Variants in GPC6 observed in about 807,000 individuals in gnomAD.
The protein encoded by GPC6 is glypican-6.
A neutral mutation model predicts 55.2 loss-of-function variants in GPC6; 14 were observed. The ratio of observed to expected loss-of-function variants is 0.25; its 90% confidence interval spans 0.17 to 0.40. The LOEUF is 0.40. Ranked by LOEUF, GPC6 falls within the 10% of genes least tolerant of loss-of-function variation. The probability of loss-of-function intolerance (pLI) is 1.00; values close to 1 mark genes in which losing one functional copy is unlikely to be tolerated. For synonymous variants in GPC6, 278 were observed against 259.6 expected (o/e 1.07, Z -0.68); for missense variants, 641 against 708.5 (o/e 0.90, Z 1.08).
chr13:93,491,841 C>T (rs1443503893), intron 1 of GPC6, among the ~76,000 whole-genome samples: 2 of 114,828 alleles, frequency 1.7e-5, no homozygotes, highest in East Asian at 3.5e-4. Context: ...AGGTATGCGG[C>T]GTTATTTCTG....
chr13:93,498,460 C>T (rs1468693602), intron 1 of GPC6, among the ~76,000 whole-genome samples: 1 of 152,154 alleles, frequency 6.6e-6, no homozygotes, highest in Non-Finnish European at 1.5e-5. Context: ...CCACCCAAAT[C>T]TCAACTTGAA....
In GPC6 at chr13:94,157,410, T is replaced by G. The variant is rs144351169; in HGVS notation, c.878-128939T>G. Among the ~76,000 whole-genome samples, 25 of 152,078 alleles carry G rather than the reference T, an allele frequency of 1.6e-4. No individual in the cohort carries two copies. In the East Asian group the frequency reaches 4.8e-3, roughly 29 times the overall value. On this transcript the variant is annotated intron_variant, in intron 4 of 8. Transcript: ENST00000377047. ...ACTGGAGGCTGAATCATAGAAACCTTCGTGATAGGAGTCAAAGCCCAGGTG... is the reference window on the plus strand; with the variant it reads ...ACTGGAGGCTGAATCATAGAAACCTGCGTGATAGGAGTCAAAGCCCAGGTG...
rs149773904 is a variant in GPC6 at position 94,074,163 on chromosome 13, C to G, written c.877+46269C>G. 2.3e-3 allele frequency among the ~76,000 whole-genome samples: 349 copies of G among 152,224 alleles called. 4 individuals carry two copies. Among genetic ancestry groups the G allele is most frequent in the Non-Finnish European group, 9.6e-4 (65 of 67,994 alleles). On this transcript the variant is annotated intron_variant, in intron 4 of 8. Coordinates refer to ENST00000377047, the MANE Select transcript of GPC6 (RefSeq NM_005708.5). ...TCATACTTTATTTGACAAAAATCTT[C>G]AATAGCCTCCATGCATTTTTTCAGA...
chr13:93,877,515 C>A (rs1874660051), intron 3 of GPC6, among the ~76,000 whole-genome samples: 1 of 152,020 alleles, frequency 6.6e-6, no homozygotes, highest in South Asian at 2.1e-4. Context: ...CTTTCCCATT[C>A]CTATTTCAAA....
chr13:93,633,848 A>G (rs955547192), intron 2 of GPC6, among the ~76,000 whole-genome samples: 5 of 152,220 alleles, frequency 3.3e-5, no homozygotes, highest in African/African-American at 9.6e-5. Flanking sequence ...GCTAATTTAT[A>G]TAGTATTAGA....
chr13:93,523,992 C>T (rs561836963), intron 1 of GPC6, among the ~76,000 whole-genome samples: 1 of 151,962 alleles, frequency 6.6e-6, no homozygotes, highest in South Asian at 2.1e-4. Flanking sequence ...GAGATATCCT[C>T]ACATTAGATT....
At chr13:94,261,334 G>T (rs1891652013) in intron 4 of GPC6, among the ~76,000 whole-genome samples, 1 of 152,158 alleles carries the variant, frequency 6.6e-6, no homozygotes, top group Non-Finnish European at 1.5e-5. Flanking sequence ...GGGCAACAGG[G>T]TATGACACTG....
chr13:94,264,599 T>C (rs1891740860), intron 4 of GPC6, among the ~76,000 whole-genome samples: 1 of 152,234 alleles, frequency 6.6e-6, no homozygotes, highest in South Asian at 2.1e-4. Flanking sequence ...AATGCCACCA[T>C]ATACAAAAGG....
intron 2 of GPC6, among the ~76,000 whole-genome samples, chr13:93,718,012 A>C (rs1883312510): frequency 6.6e-6 from 1 of 151,668 alleles, no homozygotes; most frequent in South Asian, 2.1e-4. Context: ...GTCTATTACT[A>C]ATGGACATTT....
chr13:94,094,105 T>C (rs1474832574), intron 4 of GPC6, among the ~76,000 whole-genome samples: 1 of 152,058 alleles, frequency 6.6e-6, no homozygotes, highest in Non-Finnish European at 1.5e-5. Context: ...TATGAGGGTA[T>C]GAGTCAAATT....
chr13:94,060,470 A>C (rs1884281420), intron 4 of GPC6, among the ~76,000 whole-genome samples: 1 of 152,160 alleles, frequency 6.6e-6, no homozygotes, highest in African/African-American at 2.4e-5. Context: ...TTAGTTTCAA[A>C]TACTCTCTTA....
At chr13:94,086,115 G>T (rs188544445) in intron 4 of GPC6, among the ~76,000 whole-genome samples, 1 of 151,184 alleles carries the variant, frequency 6.6e-6, no homozygotes, top group Non-Finnish European at 1.5e-5. Context: ...CTCTGCTTCC[G>T]TGAATTTTTA....
intron 3 of GPC6, among the ~76,000 whole-genome samples, chr13:93,869,632 T>C (rs1889068632): frequency 6.6e-6 from 1 of 151,896 alleles, no homozygotes; most frequent in East Asian, 1.9e-4. Flanking sequence ...CCCTATGATT[T>C]CTTAGAAACT....
At chr13:94,023,499 C>T (rs1882779851) in intron 3 of GPC6, among the ~76,000 whole-genome samples, 1 of 151,960 alleles carries the variant, frequency 6.6e-6, no homozygotes, top group East Asian at 1.9e-4. Flanking sequence ...TTGGATAAAA[C>T]TGGAGGTCTC....
intron 4 of GPC6, among the ~76,000 whole-genome samples, chr13:94,163,637 A>G (rs1377777201): frequency 6.6e-6 from 1 of 152,190 alleles, no homozygotes; most frequent in Non-Finnish European, 1.5e-5. Context: ...GGATTAGAAA[A>G]GTTATATTCC....
At chr13:93,921,951 G>GA (rs141511014) in intron 3 of GPC6, among the ~76,000 whole-genome samples, 5,955 of 146,740 alleles carry the variant, frequency 0.041, 173 homozygotes, top group Non-Finnish European at 0.063. Flanking sequence ...GCCTGTGGGA[G>GA]AAAAAAAAAA....
At chr13:93,524,615 A>G (rs976517314) in intron 1 of GPC6, among the ~76,000 whole-genome samples, 5 of 152,082 alleles carry the variant, frequency 3.3e-5, no homozygotes, top group African/African-American at 1.2e-4. Context: ...TTAGTCATCC[A>G]AATATAATTC....
chr13:93,252,274 C>T (rs1876812750), intron 1 of GPC6, among the ~76,000 whole-genome samples: 1 of 151,966 alleles, frequency 6.6e-6, no homozygotes, highest in African/African-American at 2.4e-5. Flanking sequence ...TTTTTTTTCC[C>T]CCCAGGGGTT....
At chr13:93,862,000 C>T (rs1888828158) in intron 3 of GPC6, among the ~76,000 whole-genome samples, 1 of 151,604 alleles carries the variant, frequency 6.6e-6, no homozygotes. Flanking sequence ...CTGGAAGTGC[C>T]TGGGACATCA....
Sources: allele counts gnomAD v4.1 joint callset (sites outside exome capture counted in the v4.1 genomes callset), GRCh38; gene constraint gnomAD v4.1.1; transcripts MANE v1.5; gene names NCBI Gene and HGNC (gene_info 2026-07-23, HGNC 2026-07-21).